Variants in KDM4C observed in about 807,000 individuals in gnomAD.
KDM4C encodes the protein lysine demethylase 4C, also known as lysine-specific demethylase 4C.
KDM4C carries 81 observed loss-of-function variants against 129.3 expected under a neutral mutation model. The ratio of observed to expected loss-of-function variants is 0.63; its 90% CI spans 0.52 to 0.75. The LOEUF is 0.75. Ranked by LOEUF, KDM4C falls within the 30% of genes least tolerant of loss-of-function variation. The pLI, the probability that KDM4C is intolerant of heterozygous loss-of-function variation, is 0.00. For missense variants in KDM4C, 1,457 were observed against 1,304.0 expected (o/e 1.12, Z -1.81); for synonymous variants, 573 against 456.1 (o/e 1.26, Z -3.26).
At chr9:7,081,568 G>T (rs976702312) in intron 17 of KDM4C, among the ~76,000 whole-genome samples, 4 of 152,206 alleles carry the variant, frequency 2.6e-5, no homozygotes, top group East Asian at 3.9e-4. Context: ...GTCTCCAGTA[G>T]TGTGTTCCTG....
chr9:6,851,420 A>G (rs1294276164), intron 5 of KDM4C, among the ~76,000 whole-genome samples: 1 of 152,198 alleles, frequency 6.6e-6, no homozygotes, highest in Non-Finnish European at 1.5e-5. Context: ...ACTAGGAGAA[A>G]TATTTTCAAC....
chr9:7,049,171 G>C lies in KDM4C; in HGVS notation c.2395G>C (p.Gly799Arg), dbSNP rs772278177. The C allele has an allele frequency of 3.1e-6, 5 of 1,609,410 alleles. No individual in the cohort carries two copies. Among genetic ancestry groups the C allele is most frequent in the Non-Finnish European group, 3.4e-6 (4 of 1,176,162 alleles). The part of the protein sequence containing the change: ...NVPERTQIDV[G>R]RIPLQRLKLK... Reference sequence around the variant, plus strand: ...CCCAGAAAGGACACAAATAGATGTAGGCAGAATACCTTTACAGAGGTTAAA... The same window carrying C: ...CCCAGAAAGGACACAAATAGATGTACGCAGAATACCTTTACAGAGGTTAAA... The change falls in exon 17 of 22, where the codon GGC becomes CGC. Residue 799 changes from glycine (G) to arginine (R), a missense_variant. Transcript: ENST00000381309.
intron 18 of KDM4C, among the ~76,000 whole-genome samples, chr9:7,117,853 C>T (rs994340023): frequency 6.6e-6 from 1 of 152,184 alleles, no homozygotes; most frequent in East Asian, 1.9e-4. Context: ...AGGCGAAGCT[C>T]ATGCCAGGTT....
chr9:6,784,167 T>C (rs1824976951), intron 1 of KDM4C, among the ~76,000 whole-genome samples: 1 of 152,120 alleles, frequency 6.6e-6, no homozygotes, highest in Admixed American at 6.5e-5. Flanking sequence ...ACAATGCAGT[T>C]GGTTAGGTAA....
chr9:7,054,867 A>G (rs757633984), intron 17 of KDM4C, among the ~76,000 whole-genome samples: 1 of 152,228 alleles, frequency 6.6e-6, no homozygotes, highest in Non-Finnish European at 1.5e-5. Context: ...ATTTGGAGAT[A>G]AAGTTTTCAA....
chr9:7,071,438 A>G (rs1020002038), intron 17 of KDM4C, among the ~76,000 whole-genome samples: 41 of 152,184 alleles, frequency 2.7e-4, no homozygotes, highest in African/African-American at 9.9e-4. Context: ...GAAGGGATAG[A>G]CATATGTAAC....
chr9:6,999,801 C>T (rs866800730), intron 12 of KDM4C, among the ~76,000 whole-genome samples: 34 of 152,214 alleles, frequency 2.2e-4, no homozygotes, highest in Middle Eastern at 3.4e-3. Flanking sequence ...CTTTCCCCTG[C>T]GTAAAAAGTT....
chr9:6,787,787 C>T (rs1320120677), intron 1 of KDM4C, among the ~76,000 whole-genome samples: 1 of 152,184 alleles, frequency 6.6e-6, no homozygotes, highest in East Asian at 1.9e-4. Context: ...CAGCTCATTT[C>T]TCTGCTTCAG....
chr9:7,106,559 T>C (rs1837712097), intron 18 of KDM4C, among the ~76,000 whole-genome samples: 1 of 152,226 alleles, frequency 6.6e-6, no homozygotes, highest in African/African-American at 2.4e-5. Context: ...GGGTTTTTGA[T>C]TCCCTTATTT....
intron 2 of KDM4C, among the ~76,000 whole-genome samples, chr9:6,798,261 T>C (rs953332461): frequency 5.9e-5 from 9 of 151,896 alleles, no homozygotes; most frequent in East Asian, 1.9e-4. Flanking sequence ...TCTTTCTTTT[T>C]TTTTTTTTTA....
chr9:6,935,900 T>A (rs1824693841), intron 8 of KDM4C, among the ~76,000 whole-genome samples: 1 of 152,220 alleles, frequency 6.6e-6, no homozygotes, highest in African/African-American at 2.4e-5. Flanking sequence ...TTGAATTTTT[T>A]GAAGACATGA....
chr9:7,087,663 A>G (rs1271482370), intron 17 of KDM4C, among the ~76,000 whole-genome samples: 5 of 152,202 alleles, frequency 3.3e-5, no homozygotes, highest in Non-Finnish European at 7.4e-5. Flanking sequence ...GGGAAAGTGG[A>G]ATAGGAGTAA....
chr9:7,015,726 C>T lies in KDM4C; in HGVS notation c.2183-127C>T, dbSNP rs1467749235. On this transcript the variant is annotated intron_variant, in intron 14 of 21. Transcript: ENST00000381309. Reference sequence around the variant, plus strand: ...ACATTCACCTTGCTTATGTTTTGTTCTATACAGTGAGAATCAAGACAGTAT... The same window carrying T: ...ACATTCACCTTGCTTATGTTTTGTTTTATACAGTGAGAATCAAGACAGTAT... 4 of 578,646 alleles carry T rather than the reference C, an allele frequency of 6.9e-6. No homozygotes were observed. In the African/African-American group the frequency reaches 7.5e-5, roughly 11 times the overall value. 35.8% of individuals were successfully genotyped at this position (578,646 alleles called of 1,614,324 possible).
Position 7,169,825 on chromosome 9 carries a change from G to C in KDM4C, c.2929G>C (p.Ala977Pro). 1 of 1,610,330 alleles carries C rather than the reference G, an allele frequency of 6.2e-7. No individual in the cohort carries two copies. Among genetic ancestry groups the C allele is most frequent in the Non-Finnish European group, 8.5e-7 (1 of 1,176,928 alleles). Residue 977 changes from alanine to proline, a missense_variant, in exon 21 of 22, where the codon GCA becomes CCA. Coordinates refer to ENST00000381309, the MANE Select transcript of KDM4C (RefSeq NM_015061.6). ...QVEFEDGSQI[A>P]MKREDIYTLD... is the part of the protein sequence containing the mutation. ...TGAGTTTGAAGATGGATCCCAGATA[G>C]CAATGAAGAGAGAGGACATCTACAC...
At chr9:7,105,357 C>T (rs758865905) in intron 18 of KDM4C, 6 of 447,170 alleles carry the variant, frequency 1.3e-5, no homozygotes, top group South Asian at 8.1e-5. Context: ...CCTCAGCTTC[C>T]TCATCTATAA....
At chr9:6,793,635 G>T (rs1827182805) in intron 2 of KDM4C, among the ~76,000 whole-genome samples, 1 of 151,350 alleles carries the variant, frequency 6.6e-6, no homozygotes, top group Non-Finnish European at 1.5e-5. Flanking sequence ...CACCTCCCGG[G>T]TTCCAGTGAT....
chr9:7,094,569 G>A (rs1836193004), intron 17 of KDM4C, among the ~76,000 whole-genome samples: 1 of 152,130 alleles, frequency 6.6e-6, no homozygotes, highest in Non-Finnish European at 1.5e-5. Context: ...GGAAGGTGGT[G>A]GTTGGGGGCT....
At chr9:6,896,267 T>C (rs1229873605) in intron 8 of KDM4C, among the ~76,000 whole-genome samples, 1 of 152,164 alleles carries the variant, frequency 6.6e-6, no homozygotes, top group Non-Finnish European at 1.5e-5. Context: ...AACAATACTT[T>C]TATAATTACT....
At chr9:6,886,572 A>G (rs1845303047) in intron 6 of KDM4C, among the ~76,000 whole-genome samples, 1 of 149,988 alleles carries the variant, frequency 6.7e-6, no homozygotes, top group South Asian at 2.1e-4. Flanking sequence ...GCTCACTGCA[A>G]CCTCTACCTC....
Sources: gnomAD v4.1 joint callset for allele counts (sites outside exome capture counted in the v4.1 genomes callset) on GRCh38, gnomAD v4.1.1 for gene constraint, MANE v1.5 for transcripts, NCBI Gene and HGNC (gene_info 2026-07-23, HGNC 2026-07-21) for gene names.